The following GSTM3 variants were observed in gnomAD, a reference collection of about 807,000 sequenced individuals.
GSTM3 encodes GST class-mu 3.
A neutral mutation model predicts 36.1 loss-of-function variants in GSTM3; 34 were observed. The observed-to-expected ratio is 0.94, with a 90% CI of 0.72 to 1.25. GSTM3 has a LOEUF of 1.25. Among genes scored for constraint, GSTM3 ranks in the 50% most tolerant of loss-of-function variants. The pLI, the probability that GSTM3 is intolerant of heterozygous loss-of-function variation, is 0.00. For missense variants in GSTM3, 266 were observed against 281.6 expected, an observed-to-expected ratio of 0.94 and a Z score of 0.40; for synonymous variants, 102 against 99.5, an observed-to-expected ratio of 1.03 and a Z score of -0.15.
intron 2 of GSTM3, 81 bp downstream of exon 2, chr1:109,740,159 T>C: frequency 7.9e-7 from 1 of 1,273,634 alleles, no homozygotes; most frequent in South Asian, 1.2e-5. Context: ...CTGCTCCTGC[T>C]GGAGATCGCG....
chr1:109,737,961 G>T (rs759759309), intron 6 of GSTM3, 130 bp downstream of exon 6: 12 of 709,872 alleles, frequency 1.7e-5, no homozygotes, highest in Non-Finnish European at 2.9e-5. Flanking sequence ...TATAAGTTCT[G>T]TTTCTTATTC....
rs1649210259 is a variant in GSTM3 at position 109,736,739 on chromosome 1, C to T, written c.*332G>A. On this transcript the variant is annotated 3_prime_UTR_variant, in exon 9 of 9. Transcript: ENST00000361066. ...ACAGTTTTACTTGTGTTATCCTCAC[C>T]CAGTCTTCACAGGGACTCCAGTCCC... 4.2e-6 allele frequency: 1 copy of T among 237,180 alleles called. No homozygotes were observed. Among genetic ancestry groups the T allele is most frequent in the Admixed American group, 5.2e-5 (1 of 19,152 alleles). The allele number at this position is 237,180 out of a possible 1,614,324, so 14.7% of individuals were successfully genotyped here. A position where few individuals can be genotyped will look rare whatever the true frequency, so the allele number is the denominator to read the frequency against.
rs1228596759 is a variant in GSTM3, at chr1:109,738,434, G to A, written c.190-68C>T. The A allele has an allele frequency of 3.9e-6, 4 of 1,017,800 alleles. No individual in the cohort carries two copies. In the East Asian group the frequency reaches 9.5e-5, roughly 24 times the overall value. 63.0% of individuals were successfully genotyped at this position (1,017,800 alleles called of 1,614,324 possible). ...CTTGATTCCCTACCTCTCTCTCCAGGGGAAAAGAACACTTGCAGGGCAGTG... is the reference window on the plus strand; with the variant it reads ...CTTGATTCCCTACCTCTCTCTCCAGAGGAAAAGAACACTTGCAGGGCAGTG... On this transcript the variant is annotated intron_variant, in intron 4 of 8. Coordinates refer to ENST00000361066, the MANE Select transcript of GSTM3 (RefSeq NM_000849.5).
chr1:109,740,211 A>C (rs1414143320), intron 2 of GSTM3, 29 bp downstream of exon 2: 1 of 1,603,768 alleles, frequency 6.2e-7, no homozygotes, highest in South Asian at 1.1e-5. Flanking sequence ...TCTTTGACCG[A>C]GCGGCTCTAC....
intron 6 of GSTM3, 66 bp downstream of exon 6, chr1:109,738,025 C>T: frequency 1.0e-6 from 1 of 988,044 alleles, no homozygotes; most frequent in Non-Finnish European, 1.6e-6. Flanking sequence ...CAGAGATAAC[C>T]CTTGGGTTCC....
At position 109,737,579 on chromosome 1, in the gene GSTM3, G is replaced by T; in HGVS notation, c.469-12C>A. 6.3e-7 allele frequency: 1 copy of T among 1,577,510 alleles called. No homozygotes were observed. Among genetic ancestry groups the T allele is most frequent in the Non-Finnish European group, 8.7e-7 (1 of 1,146,828 alleles). On this transcript the variant is annotated splice_polypyrimidine_tract_variant and intron_variant, in intron 7 of 8. Coordinates refer to ENST00000361066, the MANE Select transcript of GSTM3 (RefSeq NM_000849.5). ...TCCACAAAGGTGAGCTAGAAGAAAA[G>T]CAATAAGATGCTTAGGTCTGAGGAG...
rs1348624770 is a variant in GSTM3, at chr1:109,739,985, G to A, written c.49-77C>T. The stretch of plus-strand genomic sequence containing the variant: ...CCCGCCCGCTAACGTTCCCCGGCCC[G>A]GGGCTGCCGAGTCCCTGCGTCCTGC... On this transcript the variant is annotated intron_variant, in intron 2 of 8. Coordinates refer to ENST00000361066, the MANE Select transcript of GSTM3 (RefSeq NM_000849.5). 2.3e-5 allele frequency: 28 copies of A among 1,238,138 alleles called. 1 individual carries two copies. Among genetic ancestry groups the A allele is most frequent in the South Asian group, 1.6e-4 (12 of 76,832 alleles). The allele number at this position is 1,238,138 out of a possible 1,614,324, so 76.7% of individuals were successfully genotyped here. A position where few individuals can be genotyped will look rare whatever the true frequency, so the allele number is the denominator to read the frequency against.
chr1:109,739,721 T>C (rs1649310588), intron 3 of GSTM3, 112 bp downstream of exon 3: 3 of 808,352 alleles, frequency 3.7e-6, no homozygotes, highest in Non-Finnish European at 6.2e-6. Context: ...TCACCCAGAT[T>C]GGGGCAAACG....
intron 3 of GSTM3, 147 bp downstream of exon 3, chr1:109,739,686 T>C (rs555454559): frequency 3.1e-5 from 22 of 702,984 alleles, no homozygotes; most frequent in Non-Finnish European, 5.4e-5. Flanking sequence ...GAACCCCCAG[T>C]TCCAGATAAA....
chr1:109,737,782 G>T lies in GSTM3; in HGVS notation c.373-31C>A. 5.4e-6 allele frequency: 7 copies of T among 1,301,248 alleles called. No individual in the cohort carries two copies. The South Asian group carries it at 9.0e-5, about 17-fold the overall frequency. The allele number at this position is 1,301,248 out of a possible 1,614,324, so 80.6% of individuals were successfully genotyped here. ...AGGAAAAAACAGAATGAGAATAGTG[G>T]TGATCATCTTTGTAGTTAATCAGGG... On this transcript the variant is annotated intron_variant, in intron 6 of 8. Transcript: ENST00000361066.
rs1204164695 is a variant in GSTM3, at chr1:109,738,273, T to A, written c.271+12A>T. Reference sequence around the variant, plus strand: ...CCAGCCTGGGGTCCCTCACCAGCCCTACCCCACTCACACATGTTGTGCTTG... The same window carrying A: ...CCAGCCTGGGGTCCCTCACCAGCCCAACCCCACTCACACATGTTGTGCTTG... On this transcript the variant is annotated intron_variant, in intron 5 of 8. Transcript: ENST00000361066. 1 of 1,609,476 alleles carries A rather than the reference T, an allele frequency of 6.2e-7. No individual in the cohort carries two copies. The highest frequency in any genetic ancestry group is 1.7e-5 in the Admixed American group (1 of 60,016).
At position 109,737,016 on chromosome 1, in the gene GSTM3, C is replaced by T. The variant is rs746742220; in HGVS notation, c.*55G>A. 1.9e-6 allele frequency: 2 copies of T among 1,070,494 alleles called. No individual in the cohort carries two copies. The highest frequency in any genetic ancestry group is 2.9e-6 in the Non-Finnish European group (2 of 688,144). 66.3% of individuals were successfully genotyped at this position (1,070,494 alleles called of 1,614,324 possible). The stretch of plus-strand genomic sequence containing the variant: ...CATTGAAAAGAGCAAAGCAAGAGCG[C>T]TGACCCCTTACGGACAGGATGAAAC... On this transcript the variant is annotated 3_prime_UTR_variant, in exon 9 of 9. Transcript: ENST00000361066.
rs1460831728 is a variant in GSTM3 at position 109,740,309 on chromosome 1, C to G, written c.-22G>C. The G allele has an allele frequency of 6.2e-6, 10 of 1,610,656 alleles. No homozygotes were observed. The highest frequency in any genetic ancestry group is 3.3e-4 in the Middle Eastern group (2 of 6,058). On this transcript the variant is annotated 5_prime_UTR_variant, in exon 2 of 9. Transcript: ENST00000361066. ...ACATGGTGACGGGCTTCCGAGCCTT[C>G]GAGGACTAGGGAAACTGTGAGCGGG...
rs1649214184 is a variant in GSTM3, at chr1:109,736,899, C to A, written c.*172G>T. ...ATGCCAGTATCGCAGCGATTCAATTCATATCTTGATGATTCTCCACATATC... is the reference window on the plus strand; with the variant it reads ...ATGCCAGTATCGCAGCGATTCAATTAATATCTTGATGATTCTCCACATATC... On this transcript the variant is annotated 3_prime_UTR_variant, in exon 9 of 9. Transcript: ENST00000361066. 1 of 582,702 alleles carries A rather than the reference C, an allele frequency of 1.7e-6. No individual in the cohort carries two copies. 36.1% of individuals were successfully genotyped at this position (582,702 alleles called of 1,614,324 possible). A position where few individuals can be genotyped will look rare whatever the true frequency, so the allele number is the denominator to read the frequency against.
At chr1:109,737,262 A>G (rs933401877) in intron 8 of GSTM3, 93 bp from the exon 9 acceptor site, 3 of 929,078 alleles carry the variant, frequency 3.2e-6, no homozygotes, top group Non-Finnish European at 5.3e-6. Context: ...GCCTGCGTCT[A>G]CCTCCTCCAT....
chr1:109,740,124 A>T, intron 2 of GSTM3, 116 bp downstream of exon 2: 1 of 1,030,598 alleles, frequency 9.7e-7, no homozygotes, highest in East Asian at 2.6e-5. Flanking sequence ...GTGGCTCGGC[A>T]GCTCGAAAAG....
intron 3 of GSTM3, 41 bp downstream of exon 3, chr1:109,739,792 G>A (rs1649312204): frequency 6.9e-7 from 1 of 1,448,904 alleles, no homozygotes; most frequent in Admixed American, 2.0e-5. Flanking sequence ...AGGGCAGGTG[G>A]AGGGCCAGCT....
In GSTM3 at chr1:109,737,670, A is replaced by G; in HGVS notation, c.454T>C (p.Phe152Leu). ...CTTCTTCCTACCTTTTCCCCGGCAA[A>G]CCATGAGAATTTCCCCAGAAACATG... The part of the protein sequence containing the change: ...FSMFLGKFSW[F>L]AGEKLTFVDF... Residue 152 changes from phenylalanine (F) to leucine (L), a missense_variant, in exon 7 of 9, where the codon TTT (phenylalanine) becomes CTT (leucine). Phe to Leu is a conservative substitution (Grantham distance 22). Transcript: ENST00000361066. The G allele has an allele frequency of 6.2e-7, 1 of 1,609,394 alleles. No homozygotes were observed. The highest frequency in any genetic ancestry group is 8.5e-7 in the Non-Finnish European group (1 of 1,176,646).
chr1:109,737,602 G>C (rs754550431), intron 7 of GSTM3, 35 bp from the exon 8 acceptor site: 1 of 1,542,338 alleles, frequency 6.5e-7, no homozygotes, highest in South Asian at 1.1e-5. Flanking sequence ...TAGGTCTGAG[G>C]AGTAGTAGCC....
Sources: gnomAD v4.1 joint callset for allele counts on GRCh38, gnomAD v4.1.1 for gene constraint, MANE v1.5 for transcripts, NCBI Gene and HGNC (gene_info 2026-07-23, HGNC 2026-07-21) for gene names.